The following VWA8 variants were observed in gnomAD, a reference collection of about 807,000 sequenced individuals.
VWA8 encodes the protein von Willebrand factor A domain-containing protein 8.
VWA8 carries 221 observed loss-of-function variants against 241.5 expected under a neutral mutation model. The observed-to-expected ratio is 0.91, with a 90% confidence interval of 0.82 to 1.02. The LOEUF (loss-of-function observed/expected upper bound fraction) is 1.02, where lower values mean the gene tolerates loss of function less well. VWA8 is among the 50% of genes least tolerant of loss of function. The pLI is 0.00. For missense variants in VWA8, 2,322 were observed against 2,328.7 expected, an observed-to-expected ratio of 1.00 and a Z score of 0.06; for synonymous variants, 852 against 827.1, an observed-to-expected ratio of 1.03 and a Z score of -0.52.
At chr13:41,785,306 A>C (rs1593771422) in intron 18 of VWA8, among the ~76,000 whole-genome samples, 1 of 152,312 alleles carries the variant, frequency 6.6e-6, no homozygotes, top group East Asian at 1.9e-4. Flanking sequence ...CACCCAGCTA[A>C]TATGAGTAGA....
Position 41,808,529 on chromosome 13 carries a change from C to T in VWA8, c.2063+2696G>A, listed in dbSNP as rs1055775454. 2.0e-5 allele frequency among the ~76,000 whole-genome samples: 3 copies of T among 152,208 alleles called. No individual in the cohort carries two copies. In the East Asian group the frequency reaches 5.8e-4, roughly 29 times the overall value. ...TGAGAACTCACTCACTGTCATGAGA[C>T]CATCACCAAGGGGAAATCCACCCCC... On this transcript the variant is annotated intron_variant, in intron 17 of 44. Transcript: ENST00000379310.
chr13:41,743,553 T>A (rs1200936189), intron 21 of VWA8, among the ~76,000 whole-genome samples: 1 of 152,218 alleles, frequency 6.6e-6, no homozygotes, highest in Non-Finnish European at 1.5e-5. Flanking sequence ...TAGACAAAGT[T>A]GCTGAAATGC....
chr13:41,946,089 A>C (rs1211372813), intron 2 of VWA8, among the ~76,000 whole-genome samples: 2 of 151,980 alleles, frequency 1.3e-5, no homozygotes, highest in African/African-American at 2.4e-5. Flanking sequence ...AAATCTAGGA[A>C]GTCCACAAAC....
chr13:41,733,696 A>G (rs1046495531), intron 21 of VWA8, among the ~76,000 whole-genome samples: 4 of 151,968 alleles, frequency 2.6e-5, no homozygotes, highest in African/African-American at 9.7e-5. Context: ...TGACCCATAT[A>G]TCCCCCAATT....
At chr13:41,924,037 T>C (rs550709596) in intron 2 of VWA8, among the ~76,000 whole-genome samples, 2 of 151,938 alleles carry the variant, frequency 1.3e-5, no homozygotes, top group African/African-American at 4.8e-5. Flanking sequence ...AGGAACATAA[T>C]AATTCCCCAG....
chr13:41,784,729 T>TATATATATACACAC (rs772522331), intron 18 of VWA8, among the ~76,000 whole-genome samples: 1 of 60,096 alleles, frequency 1.7e-5, no homozygotes, highest in African/African-American at 5.6e-5. Context: ...TATATATATA[T>TATATATATACACAC]ACACACACAT....
chr13:41,733,597 G>GT (rs1235749497), intron 21 of VWA8, among the ~76,000 whole-genome samples: 3 of 152,100 alleles, frequency 2.0e-5, no homozygotes, highest in Admixed American at 6.6e-5. Context: ...TTGATCTTCA[G>GT]TTTTTTAGCA....
chr13:41,692,898 T>G lies in VWA8; in HGVS notation c.3639A>C (p.Thr1213=). 6.2e-7 allele frequency: 1 copy of G among 1,611,716 alleles called. No homozygotes were observed. Among genetic ancestry groups the G allele is most frequent in the Non-Finnish European group, 8.5e-7 (1 of 1,178,434 alleles). Residue 1213 remains threonine, a synonymous_variant, in exon 30 of 45, where the codon ACA becomes ACC. Transcript: ENST00000379310. ...HRLILPSEKF[T]SKKPFWWNKE... is the part of the protein sequence containing the mutation. Reference sequence around the variant, plus strand: ...TGTTCCACCAGAAAGGTTTCTTAGATGTAAACTTCTCGGAAGGGAGGATGA... The same window carrying G: ...TGTTCCACCAGAAAGGTTTCTTAGAGGTAAACTTCTCGGAAGGGAGGATGA...
intron 3 of VWA8, among the ~76,000 whole-genome samples, chr13:41,908,746 CAAA>C (rs1287877211): frequency 6.6e-6 from 1 of 152,128 alleles, no homozygotes; most frequent in Non-Finnish European, 1.5e-5. Flanking sequence ...TAATCATGTA[CAAA>C]AAGTTTTTAA....
rs1242263993 is a variant in VWA8 at position 41,841,820 on chromosome 13, AATATATATATATATATAT to A, written c.1426-8307_1426-8290del. ...AAAAAAAAAAAAAAAAAAAAAAAAA[AATATATATATATATATAT>A]ATATATATATATATATATATAAAAA... On this transcript the variant is annotated intron_variant, in intron 12 of 44. Coordinates refer to ENST00000379310, the MANE Select transcript of VWA8 (RefSeq NM_015058.2). 2.2e-3 allele frequency among the ~76,000 whole-genome samples: 50 copies of A among 22,224 alleles called. 1 individual carries two copies. The highest frequency in any genetic ancestry group is 7.6e-3 in the African/African-American group (44 of 5,822). The allele number at this position is 22,224 out of a possible 152,430, so 14.6% of individuals were successfully genotyped here.
chr13:41,709,015 C>T (rs138472705), intron 26 of VWA8, among the ~76,000 whole-genome samples: 23 of 152,242 alleles, frequency 1.5e-4, no homozygotes, highest in Non-Finnish European at 2.8e-4. Context: ...ATTTTCTAAT[C>T]TTATGTTCTT....
intron 43 of VWA8, among the ~76,000 whole-genome samples, chr13:41,573,609 G>GAATATATATATATATA (rs2044329472): frequency 9.5e-6 from 1 of 105,656 alleles, no homozygotes; most frequent in African/African-American, 3.6e-5. Context: ...CTATATATAC[G>GAATATATATATATATA]CATATATATG....
intron 40 of VWA8, among the ~76,000 whole-genome samples, chr13:41,591,860 T>C (rs2044457173): frequency 6.9e-6 from 1 of 145,222 alleles, no homozygotes; most frequent in Admixed American, 6.9e-5. Context: ...ACTTTTACAC[T>C]GTTGGTGGGA....
intron 2 of VWA8, among the ~76,000 whole-genome samples, chr13:41,935,187 C>T (rs570057770): frequency 6.6e-6 from 1 of 152,188 alleles, no homozygotes; most frequent in South Asian, 2.1e-4. Context: ...TGTGGCTGGT[C>T]AAGAGATCAC....
intron 26 of VWA8, among the ~76,000 whole-genome samples, chr13:41,704,728 G>A (rs554534704): frequency 5.9e-5 from 9 of 152,076 alleles, no homozygotes; most frequent in South Asian, 2.1e-4. Context: ...TTCAGCCTCC[G>A]AAAGTGCTGG....
At chr13:41,950,755 G>A (rs1230266410) in intron 1 of VWA8, among the ~76,000 whole-genome samples, 1 of 144,354 alleles carries the variant, frequency 6.9e-6, no homozygotes, top group Non-Finnish European at 1.5e-5. Context: ...CGCAACTTCC[G>A]CCTCCTGGGT....
intron 2 of VWA8, among the ~76,000 whole-genome samples, chr13:41,912,781 T>G (rs370338625): frequency 6.6e-6 from 1 of 152,190 alleles, no homozygotes; most frequent in Admixed American, 6.5e-5. Context: ...CTTTTGTGAA[T>G]AGAAGACCAC....
chr13:41,945,378 G>T (rs1013151618), intron 2 of VWA8, among the ~76,000 whole-genome samples: 1 of 151,232 alleles, frequency 6.6e-6, no homozygotes, highest in African/African-American at 2.4e-5. Context: ...AAAATTATAA[G>T]AAATTAAGAA....
chr13:41,902,030 CAGAG>C (rs1274110202), intron 4 of VWA8, among the ~76,000 whole-genome samples: 1 of 150,560 alleles, frequency 6.6e-6, no homozygotes, highest in African/African-American at 2.4e-5. Context: ...CCACAGTAAA[CAGAG>C]AGAGATCTTC....
Sources: allele counts gnomAD v4.1 joint callset (sites outside exome capture counted in the v4.1 genomes callset), GRCh38; gene constraint gnomAD v4.1.1; transcripts MANE v1.5; gene names NCBI Gene and HGNC (gene_info 2026-07-23, HGNC 2026-07-21).